The following UBE2G1 variants were observed in gnomAD, a reference collection of about 807,000 sequenced individuals.
UBE2G1 encodes ubiquitin conjugating enzyme E2 G1, also known as ubiquitin-conjugating enzyme E2 G1.
UBE2G1 carries 5 observed loss-of-function variants against 22.7 expected under a neutral mutation model. That is an observed-to-expected ratio of 0.22 (90% CI 0.12 to 0.46). UBE2G1 has a LOEUF of 0.46. Ranked by LOEUF, UBE2G1 falls within the 20% of genes least tolerant of loss-of-function variation. The pLI is 0.99. For missense variants in UBE2G1, 88 were observed against 203.9 expected (o/e 0.43, Z 3.46); for synonymous variants, 74 against 67.5 (o/e 1.10, Z -0.47).
chr17:4,319,400 C>G (rs983973771), intron 1 of UBE2G1, among the ~76,000 whole-genome samples: 1 of 152,006 alleles, frequency 6.6e-6, no homozygotes, highest in Non-Finnish European at 1.5e-5. Flanking sequence ...GTAACAGTGA[C>G]GTGAAGAAAT....
At chr17:4,311,450 A>G (rs963476332) in intron 1 of UBE2G1, among the ~76,000 whole-genome samples, 4 of 152,236 alleles carry the variant, frequency 2.6e-5, no homozygotes, top group Non-Finnish European at 5.9e-5. Flanking sequence ...ATATACATAC[A>G]ATGAAATACT....
chr17:4,295,459 G>A (rs912291941), intron 3 of UBE2G1, among the ~76,000 whole-genome samples: 1 of 152,118 alleles, frequency 6.6e-6, no homozygotes, highest in African/African-American at 2.4e-5. Context: ...CTTCTATTAC[G>A]TATTCCATAT....
chr17:4,294,268 T>G (rs1437925596), intron 3 of UBE2G1, among the ~76,000 whole-genome samples: 1 of 151,904 alleles, frequency 6.6e-6, no homozygotes, highest in East Asian at 1.9e-4. Flanking sequence ...ATACAAAAAT[T>G]AGCCAGGCGT....
intron 1 of UBE2G1, among the ~76,000 whole-genome samples, chr17:4,316,401 T>G (rs1969373934): frequency 6.6e-6 from 1 of 152,128 alleles, no homozygotes; most frequent in Non-Finnish European, 1.5e-5. Context: ...TCAAAATAAT[T>G]TTGACCTTAT....
intron 1 of UBE2G1, among the ~76,000 whole-genome samples, chr17:4,362,122 C>T (rs1969976054): frequency 6.6e-6 from 1 of 152,134 alleles, no homozygotes; most frequent in Admixed American, 6.6e-5. Context: ...AAAAGTATCT[C>T]CTGTGCTGAG....
chr17:4,310,239 A>G (rs975529022), intron 1 of UBE2G1, among the ~76,000 whole-genome samples: 6 of 152,160 alleles, frequency 3.9e-5, no homozygotes, highest in Non-Finnish European at 8.8e-5. Flanking sequence ...CTAAATTCCT[A>G]TTAATTGTAC....
rs75901633 is a variant in UBE2G1, at chr17:4,297,481, A to T, written c.150-667T>A. Among the ~76,000 whole-genome samples, 736 of 152,298 alleles carry T rather than the reference A, an allele frequency of 4.8e-3. 5 individuals are homozygous for T. The highest frequency in any genetic ancestry group is 0.017 in the African/African-American group (691 of 41,556). On this transcript the variant is annotated intron_variant, in intron 2 of 5. Transcript: ENST00000396981. ...CCAACCACTTGAAATATGCCCTGTG[A>T]CTGCTATTTTAGACAATACACCTCC...
chr17:4,282,774 G>A, intron 5 of UBE2G1, 24 bp downstream of exon 5: 17 of 1,484,038 alleles, frequency 1.1e-5, no homozygotes, highest in Non-Finnish European at 1.6e-5. Context: ...AAAAACAAAA[G>A]TATGATATTT....
intron 1 of UBE2G1, among the ~76,000 whole-genome samples, chr17:4,322,909 C>T (rs550921047): frequency 2.0e-5 from 3 of 152,104 alleles, no homozygotes; most frequent in East Asian, 1.9e-4. Context: ...TTCATATCTC[C>T]GAAGTGATGG....
At chr17:4,331,001 C>CAT (rs1969570608) in intron 1 of UBE2G1, among the ~76,000 whole-genome samples, 1 of 151,862 alleles carries the variant, frequency 6.6e-6, no homozygotes, top group African/African-American at 2.4e-5. Flanking sequence ...CACACACACA[C>CAT]ACACACATTC....
At chr17:4,328,841 C>T (rs1455044489) in intron 1 of UBE2G1, among the ~76,000 whole-genome samples, 1 of 152,190 alleles carries the variant, frequency 6.6e-6, no homozygotes, top group Non-Finnish European at 1.5e-5. Context: ...AATCCCCGCA[C>T]TTTGGGAGGC....
At chr17:4,359,581 T>C (rs148697628) in intron 1 of UBE2G1, among the ~76,000 whole-genome samples, 1 of 152,296 alleles carries the variant, frequency 6.6e-6, no homozygotes, top group East Asian at 1.9e-4. Context: ...GATAAAAACT[T>C]CTGATTAGAC....
At chr17:4,309,184 G>A (rs144239474) in intron 1 of UBE2G1, among the ~76,000 whole-genome samples, 13 of 152,330 alleles carry the variant, frequency 8.5e-5, no homozygotes, top group African/African-American at 2.9e-4. Context: ...CACTTGAACT[G>A]GAAGGCAGAG....
At chr17:4,283,298 G>A (rs1598179177) in intron 4 of UBE2G1, among the ~76,000 whole-genome samples, 1 of 152,302 alleles carries the variant, frequency 6.6e-6, no homozygotes, top group African/African-American at 2.4e-5. Flanking sequence ...GGATCACGAG[G>A]TCGGGAGTTT....
At chr17:4,357,765 T>TCC (rs917450108) in intron 1 of UBE2G1, among the ~76,000 whole-genome samples, 14 of 151,806 alleles carry the variant, frequency 9.2e-5, no homozygotes, top group African/African-American at 3.4e-4. Flanking sequence ...ACCACTGCAC[T>TCC]CCAGCCTGGG....
chr17:4,311,761 A>G (rs1484083305), intron 1 of UBE2G1, among the ~76,000 whole-genome samples: 1 of 152,194 alleles, frequency 6.6e-6, no homozygotes, highest in Non-Finnish European at 1.5e-5. Flanking sequence ...TGAGTGGTAC[A>G]CTTTAACACC....
intron 5 of UBE2G1, among the ~76,000 whole-genome samples, chr17:4,277,953 C>G (rs978183210): frequency 1.3e-5 from 2 of 151,736 alleles, no homozygotes; most frequent in African/African-American, 4.8e-5. Flanking sequence ...GTCTCACTCT[C>G]TTGGCTCACT....
chr17:4,297,060 C>CCAGAA (rs1555520588), intron 2 of UBE2G1, among the ~76,000 whole-genome samples: 3 of 152,188 alleles, frequency 2.0e-5, no homozygotes, highest in African/African-American at 4.8e-5. Flanking sequence ...GACATTCACA[C>CCAGAA]CAGATCAGAT....
chr17:4,277,917 ATTT>A (rs754075993), intron 5 of UBE2G1, among the ~76,000 whole-genome samples: 3 of 145,240 alleles, frequency 2.1e-5, no homozygotes, highest in African/African-American at 7.5e-5. Flanking sequence ...TATCTTTTAC[ATTT>A]TTTTTTTTTT....
Sources: allele counts gnomAD v4.1 joint callset (sites outside exome capture counted in the v4.1 genomes callset), GRCh38; gene constraint gnomAD v4.1.1; transcripts MANE v1.5; gene names NCBI Gene and HGNC (gene_info 2026-07-23, HGNC 2026-07-21).